Variants in KMT2A observed in about 807,000 individuals in gnomAD.
KMT2A encodes the protein histone-lysine N-methyltransferase 2A.
Under a neutral mutation model 345.3 loss-of-function variants are expected in KMT2A, and 16 were observed. That is an observed-to-expected ratio of 0.05 (90% CI 0.03 to 0.07). The LOEUF (loss-of-function observed/expected upper bound fraction) is 0.07. Among genes scored for constraint, KMT2A ranks in the 10% least tolerant of loss-of-function variants. The pLI is 1.00. For missense variants in KMT2A, 3,272 were observed against 4,841.6 expected, an observed-to-expected ratio of 0.68 and a Z score of 9.62; for synonymous variants, 1,599 against 1,778.6, an observed-to-expected ratio of 0.90 and a Z score of 2.54.
In KMT2A at chr11:118,473,670, T is replaced by G. The variant is rs782008907; in HGVS notation, c.2511T>G (p.Pro837=). Residue 837 remains proline, a synonymous_variant, in exon 3 of 36, where the codon CCT becomes CCG. Transcript: ENST00000534358. The surrounding 1 kb of genome is among the most constrained non-coding windows in gnomAD (Gnocchi z 5.2). ...FSSSSPTPLF[P]WFTPGSQTER... Reference sequence around the variant, plus strand: ...CAAGTAGTCCTACTCCTCTCTTCCCTTGGTTTACCCCAGGCTCTCAGACTG... The same window carrying G: ...CAAGTAGTCCTACTCCTCTCTTCCCGTGGTTTACCCCAGGCTCTCAGACTG... 1 of 1,614,044 alleles carries G rather than the reference T, an allele frequency of 6.2e-7. No homozygotes were observed. Among genetic ancestry groups the G allele is most frequent in the Non-Finnish European group, 8.5e-7 (1 of 1,180,000 alleles).
intron 31 of KMT2A, among the ~76,000 whole-genome samples, chr11:118,517,636 T>TGA (rs1397438075): frequency 2.9e-4 from 44 of 151,854 alleles, no homozygotes; most frequent in African/African-American, 1.0e-3. Flanking sequence ...GGCCAGGAGT[T>TGA]CAAGATCAGC....
In KMT2A at chr11:118,504,174, C is replaced by A; in HGVS notation, c.8282C>A (p.Pro2761His). 1 of 1,614,092 alleles carries A rather than the reference C, an allele frequency of 6.2e-7. No homozygotes were observed. Reference protein sequence around the residue: ...NGTENLKIDRPEDAGEKEHVT... With the variant: ...NGTENLKIDRHEDAGEKEHVT... ...ACAGAGAACTTAAAGATTGATAGAC[C>A]TGAAGATGCTGGGGAGAAAGAACAT... is the stretch of plus-strand genomic sequence containing the variant. Residue 2761 changes from proline to histidine, a missense_variant, in exon 27 of 36, where the codon CCT (proline) becomes CAT (histidine). Pro to His is a moderately conservative substitution (Grantham distance 77). Transcript: ENST00000534358. The surrounding 1 kb of genome is among the most constrained non-coding windows in gnomAD (Gnocchi z 6.4).
chr11:118,513,279 T>G (rs1332168414), intron 31 of KMT2A, among the ~76,000 whole-genome samples: 2 of 152,038 alleles, frequency 1.3e-5, no homozygotes, highest in Non-Finnish European at 2.9e-5. Flanking sequence ...AGGTTTTAAT[T>G]AAGCTAAGGT....
Position 118,482,434 on chromosome 11 carries a change from G to A in KMT2A, c.4025G>A (p.Ser1342Asn). 2 of 1,612,744 alleles carry A rather than the reference G, an allele frequency of 1.2e-6. No homozygotes were observed. Among genetic ancestry groups the A allele is most frequent in the Non-Finnish European group, 1.7e-6 (2 of 1,179,470 alleles). The change falls in exon 8 of 36, where the codon AGC becomes AAC. Residue 1342 changes from serine (S) to asparagine (N), a missense_variant. Physicochemically the swap from Ser to Asn is conservative, Grantham distance 46. Around this residue, in one of 27 missense-constraint regions of KMT2A, gnomAD observed 168 missense variants for 216.0 expected, o/e 0.78. Coordinates refer to ENST00000534358, the MANE Select transcript of KMT2A (RefSeq NM_001197104.2). ...CTGAATTTTTTAGGTCCAGAGCAGA[G>A]CAAACAGAAAAAAGTGGCTCCCCGC... ...PPPPESGPEQ[S>N]KQKKVAPRPS...
chr11:118,500,090 G>A (rs962910084), intron 24 of KMT2A, among the ~76,000 whole-genome samples, 177 bp downstream of exon 24: 13 of 151,972 alleles, frequency 8.6e-5, no homozygotes, highest in African/African-American at 3.1e-4. Context: ...CTATGTTAGC[G>A]GAATCCAGTT....
chr11:118,439,150 T>C, intron 1 of KMT2A: 1 of 316,202 alleles, frequency 3.2e-6, no homozygotes. Context: ...TTTTAAAAGA[T>C]ACAGCAGCAA....
chr11:118,482,752 CAA>C (rs59972810), intron 8 of KMT2A, among the ~76,000 whole-genome samples: 18 of 115,322 alleles, frequency 1.6e-4, no homozygotes, highest in Admixed American at 2.7e-4. Context: ...TTTATTTAAA[CAA>C]AAAAAAAAAA....
Position 118,494,888 on chromosome 11 carries a change from CT to C in KMT2A, c.5363+125del. The C allele has an allele frequency of 2.7e-6, 2 of 745,402 alleles. No individual in the cohort carries two copies. 46.2% of individuals were successfully genotyped at this position (745,402 alleles called of 1,614,324 possible). On this transcript the variant is annotated intron_variant, in intron 18 of 35. Transcript: ENST00000534358. This position sits in a 1 kb window ranked among gnomAD's most constrained non-coding sequence, Gnocchi z 5.8. The stretch of plus-strand genomic sequence containing the variant: ...ACTAGAAATGAATTGGTTGAAATGC[CT>C]TTTCGGTGTGGTTTTGAGGACTACA...
chr11:118,502,298 C>A lies in KMT2A; in HGVS notation c.6506-100C>A. 3 of 644,892 alleles carry A rather than the reference C, an allele frequency of 4.7e-6. No individual in the cohort carries two copies. Among genetic ancestry groups the A allele is most frequent in the South Asian group, 4.6e-5 (1 of 21,778 alleles). 39.9% of individuals were successfully genotyped at this position (644,892 alleles called of 1,614,324 possible). A position where few individuals can be genotyped will look rare whatever the true frequency, so the allele number is the denominator to read the frequency against. ...ATAGAAAATGTAGATTTCCAGTTACCTATAAATATATATATATATAGTCAA... is the reference window on the plus strand; with the variant it reads ...ATAGAAAATGTAGATTTCCAGTTACATATAAATATATATATATATAGTCAA... On this transcript the variant is annotated intron_variant, in intron 26 of 35. Coordinates refer to ENST00000534358, the MANE Select transcript of KMT2A (RefSeq NM_001197104.2). This position sits in a 1 kb window ranked among gnomAD's most constrained non-coding sequence, Gnocchi z 4.9.
rs1033312103 is a variant in KMT2A, at chr11:118,498,495, T to C, written c.5928T>C (p.Tyr1976=). The change falls in exon 22 of 36, where the codon TAT becomes TAC. Residue 1976 remains tyrosine, a synonymous_variant. Transcript: ENST00000534358. The surrounding 1 kb of genome is among the most constrained non-coding windows in gnomAD (Gnocchi z 4.4). ...TCTTTCTGGATGATAAAAAAGTATA[T>C]TGCCAACGACATCGGGATTTGATCA... ...NCVFLDDKKV[Y]CQRHRDLIKG... 5.6e-6 allele frequency: 9 copies of C among 1,612,848 alleles called. No homozygotes were observed. Among genetic ancestry groups the C allele is most frequent in the East Asian group, 2.2e-5 (1 of 44,870 alleles).
In KMT2A at chr11:118,484,316, T is replaced by TA; in HGVS notation, c.4218+5dup. On this transcript the variant is annotated splice_region_variant and intron_variant, in intron 9 of 35. Coordinates refer to ENST00000534358, the MANE Select transcript of KMT2A (RefSeq NM_001197104.2). The surrounding 1 kb of genome is among the most constrained non-coding windows in gnomAD (Gnocchi z 4.1). ...CACAGGATCAGAGTGGACTTTAAGG[T>TA]AAAGGTGTTCAGTGATCATAAAGTA... 4.3e-6 allele frequency: 7 copies of TA among 1,613,806 alleles called. No homozygotes were observed. The highest frequency in any genetic ancestry group is 5.1e-6 in the Non-Finnish European group (6 of 1,179,882).
chr11:118,513,644 T>C (rs1484954838), intron 31 of KMT2A, among the ~76,000 whole-genome samples: 1 of 151,990 alleles, frequency 6.6e-6, no homozygotes, highest in African/African-American at 2.4e-5. Context: ...GCCCATAGCA[T>C]GAAAGGGTAC....
At chr11:118,499,770 A>C in intron 23 of KMT2A, 65 bp from the exon 24 acceptor site, 1 of 1,213,184 alleles carries the variant, frequency 8.2e-7, no homozygotes, top group Non-Finnish European at 1.2e-6. Flanking sequence ...ACAGAGTGAG[A>C]CTCTCTCAAA....
At chr11:118,451,141 G>A (rs545411349) in intron 1 of KMT2A, among the ~76,000 whole-genome samples, 2 of 151,574 alleles carry the variant, frequency 1.3e-5, no homozygotes, top group African/African-American at 4.8e-5. Flanking sequence ...ACTCTAGGTG[G>A]ATGACCAGCT....
rs1555044467 is a variant in KMT2A at position 118,497,915 on chromosome 11, A to G, written c.5665-21A>G. On this transcript the variant is annotated intron_variant, in intron 20 of 35. Transcript: ENST00000534358. The surrounding 1 kb of genome is among the most constrained non-coding windows in gnomAD (Gnocchi z 4.8). ...TTGGCATTATATTCTTTAGGAAAAA[A>G]GAAATCTCTTTATTTTATAGGATGC... is the stretch of plus-strand genomic sequence containing the variant. 1 of 1,596,962 alleles carries G rather than the reference A, an allele frequency of 6.3e-7. No individual in the cohort carries two copies. Among genetic ancestry groups the G allele is most frequent in the Non-Finnish European group, 8.6e-7 (1 of 1,165,978 alleles).
intron 31 of KMT2A, among the ~76,000 whole-genome samples, chr11:118,515,519 C>T (rs1950792711): frequency 1.3e-5 from 2 of 152,058 alleles, no homozygotes; most frequent in Non-Finnish European, 2.9e-5. Context: ...TTCCACTTTA[C>T]GATCTATAGT....
chr11:118,509,142 C>T lies in KMT2A; in HGVS notation c.10842C>T (p.Val3614=), dbSNP rs370781768. ...ACATTTGGTTTTTATTTAGGCAAGT[C>T]GCTGTTCTTCCGGAAGTTCAGGTGA... ...QKECGQPAGQ[V]AVLPEVQVTQ... is the part of the protein sequence containing the mutation. The change falls in exon 29 of 36, where the codon GTC becomes GTT. Residue 3614 remains valine, a synonymous_variant. Transcript: ENST00000534358. 2.6e-5 allele frequency: 42 copies of T among 1,613,392 alleles called. No homozygotes were observed. The highest frequency in any genetic ancestry group is 3.1e-5 in the Non-Finnish European group (37 of 1,179,626).
rs1555046537 is a variant in KMT2A, at chr11:118,503,255, G to C, written c.7363G>C (p.Val2455Leu). 6.2e-7 allele frequency: 1 copy of C among 1,614,132 alleles called. No homozygotes were observed. Reference sequence around the variant, plus strand: ...TAAATCTTTTTTGGAACCTGGTCAGGTGACAACTGGTGAGGAAGGAAACTT... The same window carrying C: ...TAAATCTTTTTTGGAACCTGGTCAGCTGACAACTGGTGAGGAAGGAAACTT... ...SSKSFLEPGQ[V>L]TTGEEGNLKP... is the part of the protein sequence containing the mutation. The change falls in exon 27 of 36, where the codon GTG becomes CTG. Residue 2455 changes from valine to leucine, a missense_variant. Coordinates refer to ENST00000534358, the MANE Select transcript of KMT2A (RefSeq NM_001197104.2). This position sits in a 1 kb window ranked among gnomAD's most constrained non-coding sequence, Gnocchi z 5.3.
At chr11:118,452,750 C>T (rs1949565746) in intron 1 of KMT2A, among the ~76,000 whole-genome samples, 1 of 152,020 alleles carries the variant, frequency 6.6e-6, no homozygotes, top group Non-Finnish European at 1.5e-5. Flanking sequence ...TGTTCTGCCT[C>T]AGCCTCCCAA....
Sources: gnomAD v4.1 joint callset for allele counts (sites outside exome capture counted in the v4.1 genomes callset) on GRCh38, gnomAD v4.1.1 for gene constraint, gnomAD v4.1.1 regional missense constraint, Gnocchi (gnomAD v3.1) non-coding constraint, MANE v1.5 for transcripts, NCBI Gene and HGNC (gene_info 2026-07-23, HGNC 2026-07-21) for gene names.